The following ANO2 variants were observed in gnomAD, a reference collection of about 807,000 sequenced individuals.
ANO2 encodes the protein anoctamin 2, also known as anoctamin-2.
ANO2 carries 101 observed loss-of-function variants against 124.2 expected under a neutral mutation model. The ratio of observed to expected loss-of-function variants is 0.81; its 90% CI spans 0.69 to 0.96. The LOEUF (loss-of-function observed/expected upper bound fraction) is 0.96, where lower values mean the gene tolerates loss of function less well. Among genes scored for constraint, ANO2 ranks in the 40% least tolerant of loss-of-function variants. ANO2 has a pLI of 0.00. For missense variants in ANO2, 1,293 were observed against 1,274.5 expected (o/e 1.01, Z -0.22); for synonymous variants, 486 against 482.5 (o/e 1.01, Z -0.09).
intron 3 of ANO2, among the ~76,000 whole-genome samples, chr12:5,869,409 T>C (rs1955513262): frequency 6.6e-6 from 1 of 152,204 alleles, no homozygotes. Context: ...TGTGACTCAC[T>C]GTGCTCCTTC....
At chr12:5,835,712 G>C (rs1954292213) in intron 4 of ANO2, among the ~76,000 whole-genome samples, 1 of 152,230 alleles carries the variant, frequency 6.6e-6, no homozygotes, top group African/African-American at 2.4e-5. Context: ...AATGTGAGTT[G>C]TCATGGGAAA....
At position 5,647,785 on chromosome 12, in the gene ANO2, A is replaced by G; in HGVS notation, c.1562T>C (p.Leu521Pro). The G allele has an allele frequency of 6.2e-7, 1 of 1,609,932 alleles. No homozygotes were observed. The highest frequency in any genetic ancestry group is 8.5e-7 in the Non-Finnish European group (1 of 1,178,314). The change falls in exon 15 of 25, where the codon CTG (leucine) becomes CCG (proline). Residue 521 changes from leucine to proline, a missense_variant. Physicochemically the swap from Leu to Pro is moderately conservative, Grantham distance 98. Coordinates refer to ENST00000682330, the MANE Select transcript of ANO2 (RefSeq NM_001364791.2). ...ACCTGGGAAACGATCCTTCCAGGTC[A>G]GTTTATCTTCATCATCCTGGGGAGA... is the stretch of plus-strand genomic sequence containing the variant. ...ECGDEDDEDK[L>P]TWKDRFPGYL...
intron 3 of ANO2, among the ~76,000 whole-genome samples, chr12:5,880,609 G>A (rs1938418902): frequency 6.6e-6 from 1 of 152,050 alleles, no homozygotes; most frequent in African/African-American, 2.4e-5. Flanking sequence ...GGAGGAAGGA[G>A]TCAACTGTTT....
intron 1 of ANO2, among the ~76,000 whole-genome samples, chr12:5,931,045 T>A (rs113359982): frequency 0.012 from 1,866 of 152,280 alleles, 44 homozygotes; most frequent in African/African-American, 0.043. Context: ...CTACTGCTTA[T>A]CTTGCTTCTC....
chr12:5,612,554 T>C, intron 19 of ANO2, 102 bp downstream of exon 19: 1 of 903,524 alleles, frequency 1.1e-6, no homozygotes, highest in Non-Finnish European at 1.8e-6. Flanking sequence ...ATCACCAAGC[T>C]GTCTAAGAAG....
At chr12:5,675,724 C>T (rs992036208) in intron 14 of ANO2, among the ~76,000 whole-genome samples, 1 of 152,190 alleles carries the variant, frequency 6.6e-6, no homozygotes. Context: ...CCAGCTCTGT[C>T]ATTACTTGCT....
At chr12:5,619,977 C>T (rs1289757444) in intron 16 of ANO2, among the ~76,000 whole-genome samples, 2 of 152,228 alleles carry the variant, frequency 1.3e-5, no homozygotes, top group Non-Finnish European at 2.9e-5. Flanking sequence ...CCAGAGGTCA[C>T]TGAGGGTGGC....
intron 9 of ANO2, among the ~76,000 whole-genome samples, chr12:5,802,412 G>A (rs1953068942): frequency 6.6e-6 from 1 of 152,236 alleles, no homozygotes; most frequent in Non-Finnish European, 1.5e-5. Context: ...CTGGGAGGCG[G>A]TGCAGCAATT....
intron 10 of ANO2, among the ~76,000 whole-genome samples, chr12:5,781,010 A>G (rs1952376255): frequency 6.6e-6 from 1 of 152,224 alleles, no homozygotes; most frequent in African/African-American, 2.4e-5. Context: ...CAACTATTTC[A>G]TCATAGAAAG....
intron 10 of ANO2, among the ~76,000 whole-genome samples, chr12:5,779,690 G>A (rs1052746739): frequency 2.6e-5 from 4 of 152,160 alleles, no homozygotes; most frequent in Admixed American, 6.6e-5. Flanking sequence ...ACATAGCAAC[G>A]GCACGCACCT....
chr12:5,789,302 G>A (rs1182447985), intron 10 of ANO2, among the ~76,000 whole-genome samples: 1 of 152,222 alleles, frequency 6.6e-6, no homozygotes, highest in African/African-American at 2.4e-5. Flanking sequence ...TCAGCCTAAG[G>A]AATTGCTGCC....
intron 24 of ANO2, 141 bp downstream of exon 24, chr12:5,565,417 T>C (rs1941688303): frequency 2.7e-6 from 2 of 746,884 alleles, no homozygotes; most frequent in Admixed American, 2.8e-5. Flanking sequence ...AAAGGAGCCC[T>C]CACTTCTGCC....
At chr12:5,860,968 C>T (rs1955249974) in intron 3 of ANO2, among the ~76,000 whole-genome samples, 1 of 152,190 alleles carries the variant, frequency 6.6e-6, no homozygotes, top group Non-Finnish European at 1.5e-5. Flanking sequence ...GACGTCTTCA[C>T]TCAGCAAGCA....
intron 10 of ANO2, among the ~76,000 whole-genome samples, chr12:5,791,279 C>T (rs1467546979): frequency 6.6e-6 from 1 of 150,926 alleles, no homozygotes; most frequent in African/African-American, 2.4e-5. Flanking sequence ...GACAATCTGA[C>T]AACATGGAAG....
At chr12:5,651,771 C>T (rs1946926822) in intron 14 of ANO2, among the ~76,000 whole-genome samples, 1 of 152,188 alleles carries the variant, frequency 6.6e-6, no homozygotes, top group Admixed American at 6.5e-5. Flanking sequence ...ATCCCCAGAA[C>T]CTGACAAGAT....
intron 3 of ANO2, among the ~76,000 whole-genome samples, chr12:5,906,820 A>AATAG (rs535836495): frequency 6.6e-6 from 1 of 151,474 alleles, no homozygotes; most frequent in African/African-American, 2.4e-5. Context: ...TAAATAAATA[A>AATAG]AAATAAAATA....
intron 4 of ANO2, among the ~76,000 whole-genome samples, chr12:5,842,631 C>T (rs1255570022): frequency 6.6e-6 from 1 of 152,190 alleles, no homozygotes; most frequent in African/African-American, 2.4e-5. Context: ...TATTTAGTGC[C>T]TGCTGTACAC....
At chr12:5,851,438 A>C (rs113845163) in intron 4 of ANO2, among the ~76,000 whole-genome samples, 10,820 of 152,142 alleles carry the variant, frequency 0.071, 519 homozygotes, top group Non-Finnish European at 0.11. Context: ...TTGTAATCCC[A>C]ACACTTTGGG....
intron 17 of ANO2, 87 bp from the exon 18 acceptor site, chr12:5,613,045 AC>A: frequency 7.6e-7 from 1 of 1,313,492 alleles, no homozygotes; most frequent in Admixed American, 1.7e-5. Flanking sequence ...GAATACCACC[AC>A]CACTGTCCTC....
Sources: gnomAD v4.1 joint callset for allele counts (sites outside exome capture counted in the v4.1 genomes callset) on GRCh38, gnomAD v4.1.1 for gene constraint, MANE v1.5 for transcripts, NCBI Gene and HGNC (gene_info 2026-07-23, HGNC 2026-07-21) for gene names.